CAMTA1: variants seen among roughly 807,000 people sequenced by gnomAD.
The protein encoded by CAMTA1 is calmodulin-binding transcription activator 1.
In CAMTA1, 27 loss-of-function variants were observed where a neutral mutation model predicts 170.9. The observed-to-expected ratio is 0.16, with a 90% CI of 0.12 to 0.22. CAMTA1 has a LOEUF of 0.22. CAMTA1 is among the 10% of genes least tolerant of loss of function. The pLI is 1.00. For synonymous variants in CAMTA1, 833 were observed against 891.5 expected (o/e 0.93, Z 1.17); for missense variants, 1,619 against 2,217.2 (o/e 0.73, Z 5.42).
At chr1:7,126,837 C>G (rs913804036) in intron 4 of CAMTA1, among the ~76,000 whole-genome samples, 1 of 152,142 alleles carries the variant, frequency 6.6e-6, no homozygotes, top group African/African-American at 2.4e-5. Flanking sequence ...GTGGCGTGAT[C>G]TCGGCTCACT....
At chr1:7,538,385 G>T (rs2094572315) in intron 6 of CAMTA1, among the ~76,000 whole-genome samples, 1 of 152,190 alleles carries the variant, frequency 6.6e-6, no homozygotes, top group Admixed American at 6.5e-5. Flanking sequence ...CCCAGGCTGG[G>T]TGCAGTGTAA....
At chr1:6,919,790 C>T (rs1681594642) in intron 3 of CAMTA1, among the ~76,000 whole-genome samples, 1 of 152,292 alleles carries the variant, frequency 6.6e-6, no homozygotes, top group Non-Finnish European at 1.5e-5. Flanking sequence ...AGAGCTTGTG[C>T]AGGGAAACTC....
At chr1:7,324,322 T>C (rs1458373009) in intron 5 of CAMTA1, among the ~76,000 whole-genome samples, 1 of 152,214 alleles carries the variant, frequency 6.6e-6, no homozygotes, top group African/African-American at 2.4e-5. Context: ...CTCTTTCCAT[T>C]GTTTTATTTT....
intron 6 of CAMTA1, among the ~76,000 whole-genome samples, chr1:7,475,762 G>A (rs1480277864): frequency 6.6e-6 from 1 of 152,212 alleles, no homozygotes; most frequent in South Asian, 2.1e-4. Context: ...GGGTGAGTTC[G>A]TCCCAGTGTT....
chr1:7,591,296 A>T (rs72867140), intron 6 of CAMTA1, among the ~76,000 whole-genome samples: 2,120 of 152,348 alleles, frequency 0.014, 61 homozygotes, highest in African/African-American at 0.049. Flanking sequence ...GTCATAACGA[A>T]GTTCAGATCA....
chr1:7,765,679 C>T (rs540878141), intron 22 of CAMTA1, among the ~76,000 whole-genome samples: 3 of 152,266 alleles, frequency 2.0e-5, no homozygotes, highest in Non-Finnish European at 4.4e-5. Flanking sequence ...TTCAAGAAAG[C>T]TAACAATCTT....
chr1:7,490,957 G>T (rs1431531935), intron 6 of CAMTA1, among the ~76,000 whole-genome samples: 1 of 152,202 alleles, frequency 6.6e-6, no homozygotes, highest in Non-Finnish European at 1.5e-5. Flanking sequence ...TTCTGTGCTT[G>T]TCTCTTCCCC....
intron 4 of CAMTA1, among the ~76,000 whole-genome samples, chr1:7,196,883 C>A (rs17030562): frequency 0.082 from 12,548 of 152,248 alleles, 1,606 homozygotes; most frequent in African/African-American, 0.28. Flanking sequence ...CAGTTTCAGT[C>A]CTCGGTTGTA....
Position 6,997,665 on chromosome 1 carries a change from T to C in CAMTA1, c.235-93639T>C, listed in dbSNP as rs1443704634. 5.4e-5 allele frequency among the ~76,000 whole-genome samples: 8 copies of C among 148,372 alleles called. No individual in the cohort carries two copies. The East Asian group carries it at 9.7e-4, about 18-fold the overall frequency. On this transcript the variant is annotated intron_variant, in intron 3 of 22. Transcript: ENST00000303635. ...ATATTTCCTTTCTTTTCTTTCTTTT[T>C]TTTTTTTTTTTTGAGACAGAGTTTC...
intron 5 of CAMTA1, among the ~76,000 whole-genome samples, chr1:7,452,502 C>G (rs1315376024): frequency 6.6e-6 from 1 of 152,232 alleles, no homozygotes; most frequent in African/African-American, 2.4e-5. Flanking sequence ...AGGGAAACTC[C>G]CAATGCATTA....
At chr1:7,218,033 T>C (rs1660067593) in intron 4 of CAMTA1, among the ~76,000 whole-genome samples, 1 of 152,208 alleles carries the variant, frequency 6.6e-6, no homozygotes, top group South Asian at 2.1e-4. Flanking sequence ...AATTCTCCCA[T>C]ATTTTAAACT....
chr1:6,992,192 C>G (rs1275786854), intron 3 of CAMTA1, among the ~76,000 whole-genome samples: 2 of 152,148 alleles, frequency 1.3e-5, no homozygotes, highest in East Asian at 3.8e-4. Context: ...ACCTCAGCCT[C>G]CCGAATAGCT....
intron 3 of CAMTA1, among the ~76,000 whole-genome samples, chr1:6,898,124 T>C: frequency 6.6e-6 from 1 of 152,220 alleles, no homozygotes; most frequent in Non-Finnish European, 1.5e-5. Flanking sequence ...GCTCATTAAA[T>C]ATTTCTTAAA....
At chr1:7,433,489 C>T (rs2092247479) in intron 5 of CAMTA1, among the ~76,000 whole-genome samples, 1 of 152,178 alleles carries the variant, frequency 6.6e-6, no homozygotes, top group Admixed American at 6.5e-5. Flanking sequence ...GCTGCAGGGC[C>T]CCTCCAGGTA....
rs978622269 is a variant in CAMTA1, at chr1:7,698,086, C to A, written c.2914+20353C>A. On this transcript the variant is annotated intron_variant, in intron 11 of 22. Transcript: ENST00000303635. Reference sequence around the variant, plus strand: ...GCCACGCACTGTGACCCCCCCCCCCCCCACCAACATGGCCTTAGACCTGTC... The same window carrying A: ...GCCACGCACTGTGACCCCCCCCCCCACCACCAACATGGCCTTAGACCTGTC... Among the ~76,000 whole-genome samples, 1,255 of 142,572 alleles carry A rather than the reference C, an allele frequency of 8.8e-3. 28 individuals are homozygous for A. Among genetic ancestry groups the A allele is most frequent in the African/African-American group, 0.027 (1,037 of 38,832 alleles). The allele number at this position is 142,572 out of a possible 152,430, so 93.5% of individuals were successfully genotyped here.
chr1:6,857,028 T>C (rs1385329684), intron 3 of CAMTA1, among the ~76,000 whole-genome samples: 1 of 152,100 alleles, frequency 6.6e-6, no homozygotes, highest in East Asian at 1.9e-4. Flanking sequence ...CTGTGAAGGG[T>C]TGCCCGTGAT....
At chr1:7,497,489 C>T (rs1313326757) in intron 6 of CAMTA1, among the ~76,000 whole-genome samples, 1 of 152,252 alleles carries the variant, frequency 6.6e-6, no homozygotes, top group East Asian at 1.9e-4. Context: ...CCCAGCCCTG[C>T]ATGCTGGCAA....
At position 7,158,603 on chromosome 1, in the gene CAMTA1, C is replaced by CA. The variant is rs574196852; in HGVS notation, c.302+67238dup. ...GTTGGCAATTTACTCTGAAATGCATCAAAAAATAAAATGGATCGATGAATG... is the reference window on the plus strand; with the variant it reads ...GTTGGCAATTTACTCTGAAATGCATCAAAAAAATAAAATGGATCGATGAATG... On this transcript the variant is annotated intron_variant, in intron 4 of 22. Transcript: ENST00000303635. 1.6e-4 allele frequency among the ~76,000 whole-genome samples: 25 copies of CA among 152,124 alleles called. No homozygotes were observed. The South Asian group carries it at 4.8e-3, about 29-fold the overall frequency.
In CAMTA1 at chr1:7,767,961, A is replaced by C. The variant is rs1423586676; in HGVS notation, c.*1470A>C. On this transcript the variant is annotated 3_prime_UTR_variant, in exon 23 of 23. Transcript: ENST00000303635. ...GGCTACCAGGAGTTTAGTTTATTTT[A>C]TTTAAAATTTTTTTGCCAATGGTGC... The C allele has an allele frequency of 6.6e-6, 1 of 152,354 alleles. No homozygotes were observed. The highest frequency in any genetic ancestry group is 1.5e-5 in the Non-Finnish European group (1 of 67,962). 9.4% of individuals were successfully genotyped at this position (152,354 alleles called of 1,614,324 possible). A position where few individuals can be genotyped will look rare whatever the true frequency, so the allele number is the denominator to read the frequency against.
Sources: gnomAD v4.1 joint callset for allele counts (sites outside exome capture counted in the v4.1 genomes callset) on GRCh38, gnomAD v4.1.1 for gene constraint, MANE v1.5 for transcripts, NCBI Gene and HGNC (gene_info 2026-07-23, HGNC 2026-07-21) for gene names.